Variants in SOBP observed in about 807,000 individuals in gnomAD.
SOBP encodes the protein sine oculis-binding protein homolog.
Under a neutral mutation model 53.6 loss-of-function variants are expected in SOBP, and 4 were observed. The observed-to-expected ratio is 0.07, with a 90% confidence interval of 0.04 to 0.17. The LOEUF is 0.17. SOBP is among the 10% of genes least tolerant of loss of function. The probability of loss-of-function intolerance (pLI) is 1.00; values close to 1 mark genes in which losing one functional copy is unlikely to be tolerated. For synonymous variants in SOBP, 584 were observed against 522.6 expected (o/e 1.12, Z -1.60); for missense variants, 1,088 against 1,204.7 (o/e 0.90, Z 1.43).
chr6:107,654,889 A>G (rs1302306514), intron 6 of SOBP, among the ~76,000 whole-genome samples: 4 of 135,210 alleles, frequency 3.0e-5, no homozygotes, highest in African/African-American at 8.5e-5. Context: ...GGAACATGGA[A>G]GAGGAATTGA....
intron 3 of SOBP, among the ~76,000 whole-genome samples, chr6:107,532,613 T>C (rs1052567187): frequency 2.0e-5 from 3 of 152,182 alleles, no homozygotes; most frequent in Non-Finnish European, 2.9e-5. Flanking sequence ...GGAAAAGAAA[T>C]ACAATTTAAA....
rs1330612746 is a variant in SOBP, at chr6:107,661,244, T to A, written c.*3041T>A. ...CTCCTCTTCCTTCTCACGATCTTAC[T>A]GCTGTCTGAATGCACAATTCTCTTG... is the stretch of plus-strand genomic sequence containing the variant. On this transcript the variant is annotated 3_prime_UTR_variant, in exon 7 of 7. Transcript: ENST00000317357. Among the ~76,000 whole-genome samples the A allele has an allele frequency of 6.6e-6, 1 of 152,186 alleles. No homozygotes were observed. The highest frequency in any genetic ancestry group is 6.5e-5 in the Admixed American group (1 of 15,284).
At chr6:107,495,447 C>A (rs951571833) in intron 1 of SOBP, among the ~76,000 whole-genome samples, 1 of 152,176 alleles carries the variant, frequency 6.6e-6, no homozygotes, top group Non-Finnish European at 1.5e-5. Context: ...TCTAAACTTA[C>A]TTATACAACT....
At chr6:107,574,842 C>T (rs1420383611) in intron 4 of SOBP, among the ~76,000 whole-genome samples, 10 of 152,140 alleles carry the variant, frequency 6.6e-5, no homozygotes, top group African/African-American at 2.4e-4. Context: ...CATGAGGTGC[C>T]AGCTCCCTCA....
chr6:107,589,670 A>G (rs1032400294), intron 5 of SOBP, among the ~76,000 whole-genome samples: 4 of 152,210 alleles, frequency 2.6e-5, no homozygotes, highest in African/African-American at 2.4e-5. Flanking sequence ...CTTTGTGGCC[A>G]AGATCCTTTA....
At chr6:107,510,832 T>G (rs967432867) in intron 3 of SOBP, 2 of 152,210 alleles carry the variant, frequency 1.3e-5, no homozygotes, top group African/African-American at 4.8e-5. Flanking sequence ...AATCAGCCCT[T>G]GAATAATTTA....
At chr6:107,593,877 T>C (rs2115070100) in intron 5 of SOBP, among the ~76,000 whole-genome samples, 1 of 152,312 alleles carries the variant, frequency 6.6e-6, no homozygotes, top group Non-Finnish European at 1.5e-5. Flanking sequence ...TATTTTTAAT[T>C]TGGGTAAAAG....
intron 1 of SOBP, among the ~76,000 whole-genome samples, chr6:107,499,636 A>C (rs1180111512): frequency 6.6e-6 from 1 of 152,336 alleles, no homozygotes; most frequent in East Asian, 1.9e-4. Flanking sequence ...TTCATGAGGT[A>C]TGATCACTGT....
rs745634228 is a variant in SOBP at position 107,634,030 on chromosome 6, C to T, written c.1186C>T (p.Pro396Ser). The change falls in exon 6 of 7, where the codon CCC (proline) becomes TCC (serine). Residue 396 changes from proline (P) to serine (S), a missense_variant. Physicochemically the swap from Pro to Ser is moderately conservative, Grantham distance 74 (BLOSUM62 -1). Around this residue, in one of 6 missense-constraint regions of SOBP, gnomAD observed 211 missense variants for 258.9 expected, o/e 0.82. Transcript: ENST00000317357. This position sits in a 1 kb window ranked among gnomAD's most constrained non-coding sequence, Gnocchi z 4.5. ...VMTNRGPVPL[P>S]IFMEQQIMQQ... is the part of the protein sequence containing the mutation. ...GACCAACCGCGGCCCGGTGCCGCTG[C>T]CCATCTTCATGGAGCAGCAGATCAT... 4.3e-6 allele frequency: 7 copies of T among 1,611,150 alleles called. 1 individual carries two copies. The African/African-American group carries it at 5.3e-5, about 12-fold the overall frequency.
At chr6:107,561,451 T>C (rs1357084423) in intron 4 of SOBP, among the ~76,000 whole-genome samples, 2 of 152,214 alleles carry the variant, frequency 1.3e-5, no homozygotes, top group Non-Finnish European at 2.9e-5. Flanking sequence ...TGTGCTTGCA[T>C]AGATGGTTCC....
rs1162966360 is a variant in SOBP, at chr6:107,661,123, C to G, written c.*2920C>G. ...GCTTTTGTCTGTAGTCCAAGATTGT[C>G]AAGCAAACATTTTGACCCTTCTGGA... On this transcript the variant is annotated 3_prime_UTR_variant, in exon 7 of 7. Transcript: ENST00000317357. Among the ~76,000 whole-genome samples, 1 of 152,190 alleles carries G rather than the reference C, an allele frequency of 6.6e-6. No homozygotes were observed. Among genetic ancestry groups the G allele is most frequent in the Non-Finnish European group, 1.5e-5 (1 of 68,028 alleles).
chr6:107,597,109 AG>A (rs1785973614), intron 5 of SOBP, among the ~76,000 whole-genome samples: 2 of 152,126 alleles, frequency 1.3e-5, no homozygotes, highest in South Asian at 2.1e-4. Flanking sequence ...GTGAACAGGG[AG>A]GGGAAAAGAA....
At chr6:107,648,792 C>T (rs933425171) in intron 6 of SOBP, among the ~76,000 whole-genome samples, 1 of 152,096 alleles carries the variant, frequency 6.6e-6, no homozygotes, top group Non-Finnish European at 1.5e-5. Flanking sequence ...CAAAGTTATT[C>T]ATCTGTAAAA....
At chr6:107,592,594 G>A (rs2115067807) in intron 5 of SOBP, among the ~76,000 whole-genome samples, 1 of 152,246 alleles carries the variant, frequency 6.6e-6, no homozygotes, top group East Asian at 1.9e-4. Flanking sequence ...CACAGGCACT[G>A]AAAATTAAAA....
intron 6 of SOBP, among the ~76,000 whole-genome samples, chr6:107,657,150 T>G (rs1173275775): frequency 6.6e-6 from 1 of 152,204 alleles, no homozygotes; most frequent in African/African-American, 2.4e-5. Context: ...TACCATGCAG[T>G]TGGCAGACTT....
intron 4 of SOBP, among the ~76,000 whole-genome samples, chr6:107,581,028 C>A (rs1008063476): frequency 6.6e-6 from 1 of 152,176 alleles, no homozygotes; most frequent in South Asian, 2.1e-4. Context: ...TTCGCTCACT[C>A]GGTCATTTAT....
chr6:107,536,083 C>T (rs1016680227), intron 4 of SOBP, among the ~76,000 whole-genome samples: 1 of 151,780 alleles, frequency 6.6e-6, no homozygotes, highest in Admixed American at 6.6e-5. Context: ...GGATAGAAAA[C>T]AGAGTGAATA....
intron 5 of SOBP, among the ~76,000 whole-genome samples, chr6:107,613,956 C>T (rs1227010453): frequency 1.3e-4 from 20 of 152,194 alleles, no homozygotes; most frequent in Admixed American, 1.3e-3. Context: ...CAAAATGATC[C>T]ATGTAATCTG....
intron 5 of SOBP, among the ~76,000 whole-genome samples, chr6:107,625,848 T>G (rs1770437275): frequency 6.6e-6 from 1 of 152,188 alleles, no homozygotes; most frequent in Non-Finnish European, 1.5e-5. Flanking sequence ...AAAAAAAAGT[T>G]TGCATGACAG....
Sources: gnomAD v4.1 joint callset for allele counts (sites outside exome capture counted in the v4.1 genomes callset) on GRCh38, gnomAD v4.1.1 for gene constraint, gnomAD v4.1.1 regional missense constraint, Gnocchi (gnomAD v3.1) non-coding constraint, MANE v1.5 for transcripts, NCBI Gene and HGNC (gene_info 2026-07-23, HGNC 2026-07-21) for gene names.